PLEKHM2: variants seen among roughly 807,000 people sequenced by gnomAD.
PLEKHM2 encodes the protein pleckstrin homology and RUN domain containing M2, also known as pleckstrin homology domain-containing family M member 2.
In PLEKHM2, 77 loss-of-function variants were observed where a neutral mutation model predicts 116.3. That is an observed-to-expected ratio of 0.66 (90% CI 0.55 to 0.80). The LOEUF (loss-of-function observed/expected upper bound fraction) is 0.80, where lower values mean the gene tolerates loss of function less well. Ranked by LOEUF, PLEKHM2 falls within the 30% of genes least tolerant of loss-of-function variation. PLEKHM2 has a pLI of 0.00. For synonymous variants in PLEKHM2, 562 were observed against 571.0 expected (o/e 0.98, Z 0.22); for missense variants, 1,183 against 1,354.9 (o/e 0.87, Z 1.99).
At position 15,727,882 on chromosome 1, in the gene PLEKHM2, G is replaced by A; in HGVS notation, c.1760+50G>A. The A allele has an allele frequency of 7.1e-7, 1 of 1,412,960 alleles. No homozygotes were observed. Among genetic ancestry groups the A allele is most frequent in the Non-Finnish European group, 9.6e-7 (1 of 1,038,170 alleles). The allele number at this position is 1,412,960 out of a possible 1,614,324, so 87.5% of individuals were successfully genotyped here. On this transcript the variant is annotated intron_variant, in intron 9 of 19. Transcript: ENST00000375799. This position sits in a 1 kb window ranked among gnomAD's most constrained non-coding sequence, Gnocchi z 7.5. ...GGGACTCTCCCAGCCCTTGAAGCTG[G>A]GGACACTGTGCCTCTGACCTCCAGA...
intron 7 of PLEKHM2, chr1:15,722,817 A>G (rs1220425368): frequency 6.6e-6 from 1 of 152,002 alleles, no homozygotes; most frequent in Admixed American, 6.6e-5. Flanking sequence ...TGCAGCACAC[A>G]TGCTGGATAT....
chr1:15,721,110 C>G lies in PLEKHM2; in HGVS notation c.653-219C>G, dbSNP rs533499800. 1.9e-6 allele frequency: 1 copy of G among 521,902 alleles called. No homozygotes were observed. Among genetic ancestry groups the G allele is most frequent in the African/African-American group, 1.9e-5 (1 of 51,576 alleles). The allele number at this position is 521,902 out of a possible 1,614,324, so 32.3% of individuals were successfully genotyped here. ...GTGGAAAGGGGTCACCCTGACAGGTCTTTCCAGCTGGTTGGAGGCTCCTGG... is the reference window on the plus strand; with the variant it reads ...GTGGAAAGGGGTCACCCTGACAGGTGTTTCCAGCTGGTTGGAGGCTCCTGG... On this transcript the variant is annotated intron_variant, in intron 6 of 19. Coordinates refer to ENST00000375799, the MANE Select transcript of PLEKHM2 (RefSeq NM_015164.4). The surrounding 1 kb of genome is among the most constrained non-coding windows in gnomAD (Gnocchi z 5.1).
chr1:15,724,023 G>A (rs563349671), intron 7 of PLEKHM2, among the ~76,000 whole-genome samples: 126 of 152,296 alleles, frequency 8.3e-4, no homozygotes, highest in Non-Finnish European at 1.4e-3. Context: ...TCTGCCACTG[G>A]CCGTATGGGC....
In PLEKHM2 at chr1:15,730,720, C is replaced by G. The variant is rs1436283255; in HGVS notation, c.2397C>G (p.Leu799=). 6.3e-7 allele frequency: 1 copy of G among 1,593,550 alleles called. No individual in the cohort carries two copies. Among genetic ancestry groups the G allele is most frequent in the African/African-American group, 1.3e-5 (1 of 74,662 alleles). Residue 799 remains leucine, a splice_region_variant and synonymous_variant, in exon 15 of 20, where the codon CTC becomes CTG. Transcript: ENST00000375799. ...ACTGGAAGACGTGCTTCGTGGTGCT[C>G]AGGTGGGAGCCCTGGCAGCTCTAGG... ...KEHWKTCFVV[L]SNGILYQYPD... is the part of the protein sequence containing the mutation.
Position 15,718,577 on chromosome 1 carries a change from C to T in PLEKHM2, c.417C>T (p.Phe139=). The stretch of plus-strand genomic sequence containing the variant: ...GCAGCCACGATCACCTGACGCTCTT[C>T]CTGACCTTGGTGTCCGGGCTAGAGT... ...LVCSHDHLTL[F]LTLVSGLEFI... Residue 139 remains phenylalanine, a synonymous_variant, in exon 5 of 20, where the codon TTC becomes TTT. Transcript: ENST00000375799. The T allele has an allele frequency of 1.9e-6, 3 of 1,580,728 alleles. No homozygotes were observed. The highest frequency in any genetic ancestry group is 2.6e-6 in the Non-Finnish European group (3 of 1,161,908).
Position 15,684,519 on chromosome 1 carries a change from C to CGGCGGT in PLEKHM2, c.-22_-17dup, listed in dbSNP as rs766819146. ...GCGGGAAGCGGCGGCGGGGCGGCGG[C>CGGCGGT]GGCGGTGGCGGTGGCGGTGGCGGCG... On this transcript the variant is annotated 5_prime_UTR_variant, in exon 1 of 20. Transcript: ENST00000375799. 3.4e-5 allele frequency: 37 copies of CGGCGGT among 1,095,754 alleles called. No homozygotes were observed. Among genetic ancestry groups the CGGCGGT allele is most frequent in the Middle Eastern group, 6.9e-4 (2 of 2,882 alleles). 67.9% of individuals were successfully genotyped at this position (1,095,754 alleles called of 1,614,324 possible). A position where few individuals can be genotyped will look rare whatever the true frequency, so the allele number is the denominator to read the frequency against.
At chr1:15,717,493 G>T (rs996782972) in intron 3 of PLEKHM2, among the ~76,000 whole-genome samples, 1 of 152,160 alleles carries the variant, frequency 6.6e-6, no homozygotes, top group Non-Finnish European at 1.5e-5. Flanking sequence ...CACATATGAT[G>T]GTTTTTTGGC....
At chr1:15,712,284 G>T (rs1405231475) in intron 1 of PLEKHM2, among the ~76,000 whole-genome samples, 2 of 152,136 alleles carry the variant, frequency 1.3e-5, no homozygotes, top group Non-Finnish European at 2.9e-5. Context: ...ATTTAAAACA[G>T]GTACTATTTT....
chr1:15,722,869 TGACAC>T (rs2068014161), intron 7 of PLEKHM2: 2 of 152,144 alleles, frequency 1.3e-5, no homozygotes, highest in African/African-American at 2.4e-5. Context: ...ACCCCCCTCC[TGACAC>T]GCCTGCTGCA....
chr1:15,708,654 C>T (rs1323983002), intron 1 of PLEKHM2, among the ~76,000 whole-genome samples: 1 of 152,130 alleles, frequency 6.6e-6, no homozygotes, highest in Non-Finnish European at 1.5e-5. Flanking sequence ...AACTCCTGGC[C>T]TCTAATGATC....
intron 1 of PLEKHM2, among the ~76,000 whole-genome samples, chr1:15,686,797 G>A (rs559290142): frequency 6.6e-6 from 1 of 151,284 alleles, no homozygotes; most frequent in South Asian, 2.1e-4. Flanking sequence ...TATAAGCGCC[G>A]GCCACCACGC....
chr1:15,730,795 A>C, intron 15 of PLEKHM2, 73 bp downstream of exon 15: 1 of 1,249,210 alleles, frequency 8.0e-7, no homozygotes, highest in South Asian at 1.4e-5. Context: ...CCCAGCGGGG[A>C]TCTCTCCGCA....
At chr1:15,725,263 C>A in intron 7 of PLEKHM2, 54 bp from the exon 8 acceptor site, 1 of 1,347,256 alleles carries the variant, frequency 7.4e-7, no homozygotes. Flanking sequence ...CTCTGGGGGT[C>A]GGGGACCCCG....
intron 7 of PLEKHM2, among the ~76,000 whole-genome samples, chr1:15,724,572 G>A (rs1451036239): frequency 6.6e-6 from 1 of 152,126 alleles, no homozygotes; most frequent in Non-Finnish European, 1.5e-5. Context: ...AGGGTCAGGG[G>A]TGCTGGGGAG....
rs867913316 is a variant in PLEKHM2 at position 15,732,113 on chromosome 1, A to G, written c.2625+65A>G. 4 of 1,473,844 alleles carry G rather than the reference A, an allele frequency of 2.7e-6. No individual in the cohort carries two copies. In the Middle Eastern group the frequency reaches 7.1e-4, roughly 260 times the overall value. 91.3% of individuals were successfully genotyped at this position (1,473,844 alleles called of 1,614,324 possible). A position where few individuals can be genotyped will look rare whatever the true frequency, so the allele number is the denominator to read the frequency against. ...GACCCACCCAGACCCCCAGGGTCCC[A>G]TCCCTAAACCCATAGTCACAGAGCA... On this transcript the variant is annotated intron_variant, in intron 17 of 19. Coordinates refer to ENST00000375799, the MANE Select transcript of PLEKHM2 (RefSeq NM_015164.4).
At chr1:15,730,192 G>A (rs919873523) in intron 14 of PLEKHM2, among the ~76,000 whole-genome samples, 1 of 152,230 alleles carries the variant, frequency 6.6e-6, no homozygotes, top group Non-Finnish European at 1.5e-5. Flanking sequence ...TGTAATCCCA[G>A]CACTTTGGGA....
At chr1:15,701,336 G>A (rs1641106988) in intron 1 of PLEKHM2, among the ~76,000 whole-genome samples, 1 of 151,140 alleles carries the variant, frequency 6.6e-6, no homozygotes, top group African/African-American at 2.4e-5. Context: ...GAGAGGCTGA[G>A]GCAGGAGAAT....
intron 7 of PLEKHM2, among the ~76,000 whole-genome samples, chr1:15,724,591 TG>T (rs1229339867): frequency 6.6e-6 from 1 of 152,004 alleles, no homozygotes; most frequent in African/African-American, 2.4e-5. Flanking sequence ...AGAAGCAGCC[TG>T]GGGGGCGGCC....
intron 15 of PLEKHM2, 106 bp downstream of exon 15, chr1:15,730,828 T>C: frequency 7.8e-6 from 7 of 896,304 alleles, no homozygotes; most frequent in Non-Finnish European, 1.2e-5. Context: ...GGGAGCAGCC[T>C]GAGGAGAGGA....
Sources: gnomAD v4.1 joint callset for allele counts (sites outside exome capture counted in the v4.1 genomes callset) on GRCh38, gnomAD v4.1.1 for gene constraint, Gnocchi (gnomAD v3.1) non-coding constraint, MANE v1.5 for transcripts, NCBI Gene and HGNC (gene_info 2026-07-23, HGNC 2026-07-21) for gene names.